ZFYVE26: variants seen among roughly 807,000 people sequenced by gnomAD.
The protein encoded by ZFYVE26 is zinc finger FYVE domain-containing protein 26.
In ZFYVE26, 181 loss-of-function variants were observed where a neutral mutation model predicts 276.5. The observed-to-expected ratio is 0.65, with a 90% CI of 0.58 to 0.74. The LOEUF (loss-of-function observed/expected upper bound fraction) is 0.74, where lower values mean the gene tolerates loss of function less well. Ranked by LOEUF, ZFYVE26 falls within the 30% of genes least tolerant of loss-of-function variation. The pLI, the probability that ZFYVE26 is intolerant of heterozygous loss-of-function variation, is 0.00. For missense variants in ZFYVE26, 2,821 were observed against 3,097.9 expected (o/e 0.91, Z 2.12); for synonymous variants, 1,129 against 1,203.1 (o/e 0.94, Z 1.27).
intron 35 of ZFYVE26, among the ~76,000 whole-genome samples, chr14:67,757,640 G>GTCTTTCTTTCTT (rs57285258): frequency 0.033 from 4,899 of 148,952 alleles, 119 homozygotes; most frequent in East Asian, 0.12. Flanking sequence ...AGATATTTTT[G>GTCTTTCTTTCTT]TCTTTCTTTC....
chr14:67,754,060 G>C lies in ZFYVE26; in HGVS notation c.7128+11C>G, dbSNP rs1003449344. On this transcript the variant is annotated intron_variant, in intron 38 of 41. Transcript: ENST00000347230. The stretch of plus-strand genomic sequence containing the variant: ...CAATAGTCTGCCAGAGGTCTGAAAC[G>C]CTGCATGTACCTTGCAGGCAACATC... 2 of 1,614,182 alleles carry C rather than the reference G, an allele frequency of 1.2e-6. No homozygotes were observed.
At position 67,798,098 on chromosome 14, in the gene ZFYVE26, G is replaced by C. The variant is rs2039995388; in HGVS notation, c.2164C>G (p.Leu722Val). Reference sequence around the variant, plus strand: ...GAAAGTCGATGCAGGCGGCTCTGCAGTCCATCTCTGCTTCCTGAGCAGCTC... The same window carrying C: ...GAAAGTCGATGCAGGCGGCTCTGCACTCCATCTCTGCTTCCTGAGCAGCTC... The part of the protein sequence containing the change: ...SQSCSGSRDG[L>V]QSRLHRLSKV... Residue 722 changes from leucine to valine, a missense_variant, in exon 11 of 42, where the codon CTG becomes GTG. Leu to Val is a conservative substitution (Grantham distance 32, BLOSUM62 1). Transcript: ENST00000347230. The C allele has an allele frequency of 6.8e-6, 11 of 1,614,086 alleles. No homozygotes were observed. Among genetic ancestry groups the C allele is most frequent in the Non-Finnish European group, 9.3e-6 (11 of 1,180,042 alleles).
At chr14:67,732,904 C>T (rs143859176) in intron 13 of ZFYVE26, among the ~76,000 whole-genome samples, 2 of 152,184 alleles carry the variant, frequency 1.3e-5, no homozygotes, top group African/African-American at 4.8e-5. Context: ...CTTCTTTTAT[C>T]AGCACTGCAT....
chr14:67,729,432 C>T (rs774592751), exon 14 of ZFYVE26: 9 of 1,545,210 alleles, frequency 5.8e-6, no homozygotes, highest in Admixed American at 1.7e-5. Context: ...TGGGAGGTGC[C>T]GGACTCGCTG....
chr14:67,770,217 A>G lies in ZFYVE26; in HGVS notation c.5485-487T>C, dbSNP rs1264395300. ...GGTGGTTCACGCCTATAATCCCAGC[A>G]GTTTGGGAGGCAGAGGTGAGCGGAT... On this transcript the variant is annotated intron_variant, in intron 28 of 41. Coordinates refer to ENST00000347230, the MANE Select transcript of ZFYVE26 (RefSeq NM_015346.4). The G allele has an allele frequency of 6.4e-5, 13 of 204,360 alleles. No homozygotes were observed. The South Asian group carries it at 9.6e-4, about 15-fold the overall frequency. The allele number at this position is 204,360 out of a possible 1,614,324, so 12.7% of individuals were successfully genotyped here. A position where few individuals can be genotyped will look rare whatever the true frequency, so the allele number is the denominator to read the frequency against.
chr14:67,759,020 A>G (rs1860943290), intron 35 of ZFYVE26, among the ~76,000 whole-genome samples: 1 of 151,434 alleles, frequency 6.6e-6, no homozygotes, highest in South Asian at 2.1e-4. Context: ...CGGGCAGATC[A>G]CAAGGTCAGG....
At chr14:67,788,704 C>T (rs753400242) in intron 16 of ZFYVE26, among the ~76,000 whole-genome samples, 10 of 152,140 alleles carry the variant, frequency 6.6e-5, no homozygotes, top group African/African-American at 1.2e-4. Context: ...GACTTGGGGA[C>T]CCCAGACACA....
chr14:67,780,472 C>T lies in ZFYVE26; in HGVS notation c.4570-127G>A, dbSNP rs2039470231. On this transcript the variant is annotated intron_variant, in intron 22 of 41. Coordinates refer to ENST00000347230, the MANE Select transcript of ZFYVE26 (RefSeq NM_015346.4). Reference sequence around the variant, plus strand: ...CCCAAAGTCAGGCTGTCAGAACTTGCCAGAAAAGAGAGCAAATTGGGCAAA... The same window carrying T: ...CCCAAAGTCAGGCTGTCAGAACTTGTCAGAAAAGAGAGCAAATTGGGCAAA... 3 of 854,128 alleles carry T rather than the reference C, an allele frequency of 3.5e-6. No homozygotes were observed. In the Admixed American group the frequency reaches 6.0e-5, roughly 17 times the overall value. The allele number at this position is 854,128 out of a possible 1,614,324, so 52.9% of individuals were successfully genotyped here.
At chr14:67,772,727 G>A (rs1400127069) in intron 27 of ZFYVE26, among the ~76,000 whole-genome samples, 3 of 152,190 alleles carry the variant, frequency 2.0e-5, no homozygotes, top group African/African-American at 4.8e-5. Context: ...TTGAGGCCAG[G>A]AGTTCAAAAC....
At chr14:67,786,383 G>A in intron 16 of ZFYVE26, 150 bp from the exon 17 acceptor site, 1 of 1,034,206 alleles carries the variant, frequency 9.7e-7, no homozygotes. Flanking sequence ...GTGACAACCA[G>A]TATACTTGGC....
At chr14:67,784,205 T>C (rs2039588153) in intron 20 of ZFYVE26, 129 bp downstream of exon 20, 2 of 807,674 alleles carry the variant, frequency 2.5e-6, no homozygotes, top group Non-Finnish European at 4.3e-6. Context: ...TATATAAGAA[T>C]AAAAAATTCA....
intron 13 of ZFYVE26, among the ~76,000 whole-genome samples, chr14:67,736,460 A>G (rs964192342): frequency 8.5e-5 from 13 of 152,252 alleles, no homozygotes; most frequent in Admixed American, 6.5e-5. Context: ...AATGAAACAT[A>G]AAGTTAGATT....
rs370755806 is a variant in ZFYVE26, at chr14:67,754,054, T to C, written c.7128+17A>G. The C allele has an allele frequency of 1.2e-6, 2 of 1,614,246 alleles. No individual in the cohort carries two copies. The highest frequency in any genetic ancestry group is 1.7e-6 in the Non-Finnish European group (2 of 1,180,034). ...AGATGACAATAGTCTGCCAGAGGTC[T>C]GAAACGCTGCATGTACCTTGCAGGC... On this transcript the variant is annotated intron_variant, in intron 38 of 41. Transcript: ENST00000347230.
At chr14:67,734,816 G>A (rs976581803) in intron 13 of ZFYVE26, among the ~76,000 whole-genome samples, 2 of 152,284 alleles carry the variant, frequency 1.3e-5, no homozygotes, top group African/African-American at 2.4e-5. Context: ...TATTCTCTGC[G>A]TTATCCCCAT....
chr14:67,757,692 TTC>T lies in ZFYVE26; in HGVS notation c.6589-1549_6589-1548del, dbSNP rs1257890993. ...TTTCTTTCTTTCTTTCTCTCTCTCT[TTC>T]CTTTCTTTCTCTCTCTCTTTCTTTC... On this transcript the variant is annotated intron_variant, in intron 35 of 41. Coordinates refer to ENST00000347230, the MANE Select transcript of ZFYVE26 (RefSeq NM_015346.4). Among the ~76,000 whole-genome samples the T allele has an allele frequency of 2.2e-5, 3 of 138,184 alleles. No individual in the cohort carries two copies. In the East Asian group the frequency reaches 7.1e-4, roughly 33 times the overall value. The allele number at this position is 138,184 out of a possible 152,430, so 90.7% of individuals were successfully genotyped here.
intron 13 of ZFYVE26, among the ~76,000 whole-genome samples, chr14:67,735,594 G>T (rs2038343091): frequency 6.6e-6 from 1 of 152,138 alleles, no homozygotes; most frequent in African/African-American, 2.4e-5. Flanking sequence ...TTGGCAGAGT[G>T]CCCCTCAACA....
chr14:67,794,077 T>G, intron 13 of ZFYVE26, 94 bp downstream of exon 13: 1 of 1,380,858 alleles, frequency 7.2e-7, no homozygotes, highest in Non-Finnish European at 1.0e-6. Flanking sequence ...ATAACAACCT[T>G]GACTGCTCAA....
intron 12 of ZFYVE26, 102 bp from the exon 13 acceptor site, chr14:67,794,341 G>A: frequency 8.8e-7 from 1 of 1,132,052 alleles, no homozygotes; most frequent in Non-Finnish European, 1.3e-6. Flanking sequence ...GTTAGAGACA[G>A]AGGATAATGA....
At chr14:67,781,263 T>C (rs2039490371) in intron 22 of ZFYVE26, 70 bp downstream of exon 22, 1 of 1,562,456 alleles carries the variant, frequency 6.4e-7, no homozygotes, top group Admixed American at 1.7e-5. Flanking sequence ...TCCCCCATCA[T>C]ATAAGATAGG....
Sources: gnomAD v4.1 joint callset for allele counts (sites outside exome capture counted in the v4.1 genomes callset) on GRCh38, gnomAD v4.1.1 for gene constraint, MANE v1.5 for transcripts, NCBI Gene and HGNC (gene_info 2026-07-23, HGNC 2026-07-21) for gene names.